The following FBXO31 variants were observed in gnomAD, a reference collection of about 807,000 sequenced individuals.
FBXO31 encodes the protein F-box protein 31, also known as F-box only protein 31.
In FBXO31, 24 loss-of-function variants were observed where a neutral mutation model predicts 54.4. The ratio of observed to expected loss-of-function variants is 0.44; its 90% confidence interval spans 0.32 to 0.62. The LOEUF (loss-of-function observed/expected upper bound fraction) is 0.62. FBXO31 is among the 20% of genes least tolerant of loss of function. The pLI, the probability that FBXO31 is intolerant of heterozygous loss-of-function variation, is 0.05. For synonymous variants in FBXO31, 388 were observed against 335.6 expected, an observed-to-expected ratio of 1.16 and a Z score of -1.71; for missense variants, 665 against 787.1, an observed-to-expected ratio of 0.84 and a Z score of 1.86.
chr16:87,343,325 A>G (rs1030400884), intron 4 of FBXO31, among the ~76,000 whole-genome samples: 2 of 152,268 alleles, frequency 1.3e-5, no homozygotes, highest in African/African-American at 4.8e-5. Context: ...ATATTCTTGC[A>G]AACAGGAAAA....
At chr16:87,351,788 GA>G in intron 2 of FBXO31, among the ~76,000 whole-genome samples, 1 of 152,288 alleles carries the variant, frequency 6.6e-6, no homozygotes, top group Admixed American at 6.5e-5. Context: ...AGAATCGCTT[GA>G]ACCCAGGAGG....
At chr16:87,370,669 A>ACTG (rs1191423996) in intron 1 of FBXO31, among the ~76,000 whole-genome samples, 4 of 152,190 alleles carry the variant, frequency 2.6e-5, no homozygotes, top group Admixed American at 6.5e-5. Flanking sequence ...AGAGGCAGCC[A>ACTG]CTGCGGCCCC....
At chr16:87,389,697 T>C (rs1567495254) in intron 1 of FBXO31, 1 of 152,140 alleles carries the variant, frequency 6.6e-6, no homozygotes, top group Non-Finnish European at 1.5e-5. Context: ...AACTGATACT[T>C]TGTTGTTTGG....
At chr16:87,360,212 C>T (rs1212748085) in intron 2 of FBXO31, 83 bp downstream of exon 2, 1 of 1,309,130 alleles carries the variant, frequency 7.6e-7, no homozygotes, top group Non-Finnish European at 1.1e-6. Flanking sequence ...TGGACTAAAT[C>T]ACTTTGATTA....
At chr16:87,390,666 T>C (rs1907502305), upstream of FBXO31, among the ~76,000 whole-genome samples, 1 of 152,112 alleles carries the variant, frequency 6.6e-6, no homozygotes, top group Non-Finnish European at 1.5e-5. Flanking sequence ...GGTCTCGAAC[T>C]CTTGACCTCG....
At chr16:87,342,761 A>C in intron 5 of FBXO31, 116 bp downstream of exon 5, 1 of 806,522 alleles carries the variant, frequency 1.2e-6, no homozygotes, top group Non-Finnish European at 1.9e-6. Flanking sequence ...ACCATGTGAA[A>C]CAGCCACCAT....
intron 1 of FBXO31, among the ~76,000 whole-genome samples, chr16:87,372,955 G>A (rs992374483): frequency 6.6e-6 from 1 of 150,782 alleles, no homozygotes. Context: ...GGCTGGTCTC[G>A]AAATACTGAC....
intron 3 of FBXO31, among the ~76,000 whole-genome samples, chr16:87,344,357 T>A (rs1199377404): frequency 6.6e-6 from 1 of 151,660 alleles, no homozygotes; most frequent in Non-Finnish European, 1.5e-5. Flanking sequence ...AGCCGAGGAG[T>A]GCGTTGCCCG....
chr16:87,390,254 C>T (rs1907478235), upstream of FBXO31, among the ~76,000 whole-genome samples: 1 of 152,026 alleles, frequency 6.6e-6, no homozygotes, highest in Admixed American at 6.5e-5. Context: ...GCACTCCAGC[C>T]TGGGCAACAG....
chr16:87,342,726 G>A lies in FBXO31; in HGVS notation c.732+151C>T, dbSNP rs528884553. The A allele has an allele frequency of 1.0e-3, 615 of 615,634 alleles. 3 individuals are homozygous for A. Among genetic ancestry groups the A allele is most frequent in the African/African-American group, 4.2e-3 (225 of 53,422 alleles). 38.1% of individuals were successfully genotyped at this position (615,634 alleles called of 1,614,324 possible). A position where few individuals can be genotyped will look rare whatever the true frequency, so the allele number is the denominator to read the frequency against. On this transcript the variant is annotated intron_variant, in intron 5 of 8. Transcript: ENST00000311635. Reference sequence around the variant, plus strand: ...TGTTCCTCGAGTGTGCCGGATGCACGGTCTGCACTGACAATACCGGCTGAA... The same window carrying A: ...TGTTCCTCGAGTGTGCCGGATGCACAGTCTGCACTGACAATACCGGCTGAA...
In FBXO31 at chr16:87,328,833, T is replaced by G. The variant is rs1282149054; in HGVS notation, c.*2455A>C. ...CAACTCCACCTGCCACCTTCCCCAA[T>G]CAAGCCTAATGCGCTTGGCTGTCCT... On this transcript the variant is annotated 3_prime_UTR_variant, in exon 9 of 9. Transcript: ENST00000311635. The G allele has an allele frequency of 6.6e-6, 1 of 152,238 alleles. No homozygotes were observed. Among genetic ancestry groups the G allele is most frequent in the East Asian group, 1.9e-4 (1 of 5,168 alleles). The allele number at this position is 152,238 out of a possible 1,614,324, so 9.4% of individuals were successfully genotyped here.
intron 3 of FBXO31, among the ~76,000 whole-genome samples, chr16:87,344,359 C>T (rs766828856): frequency 3.9e-5 from 6 of 152,238 alleles, no homozygotes; most frequent in Non-Finnish European, 8.8e-5. Flanking sequence ...CCGAGGAGTG[C>T]GTTGCCCGTG....
chr16:87,370,424 T>C (rs1906549401), intron 1 of FBXO31, among the ~76,000 whole-genome samples: 4 of 152,220 alleles, frequency 2.6e-5, no homozygotes, highest in Admixed American at 2.6e-4. Context: ...TAAGATGCCA[T>C]CTGGGGCAAC....
At chr16:87,337,057 G>A (rs768422877) in intron 5 of FBXO31, among the ~76,000 whole-genome samples, 3 of 152,168 alleles carry the variant, frequency 2.0e-5, no homozygotes, top group African/African-American at 4.8e-5. Flanking sequence ...TCCAAACTCC[G>A]ACAAGAAACA....
intron 2 of FBXO31, among the ~76,000 whole-genome samples, chr16:87,350,722 T>C (rs1597367399): frequency 6.7e-6 from 1 of 149,016 alleles, no homozygotes; most frequent in Admixed American, 6.7e-5. Context: ...ATACTGGGGT[T>C]AAAAAAAAAA....
intron 2 of FBXO31, among the ~76,000 whole-genome samples, chr16:87,349,040 C>A (rs1482805113): frequency 6.6e-6 from 1 of 152,224 alleles, no homozygotes; most frequent in African/African-American, 2.4e-5. Context: ...AACATTCATA[C>A]ATGGGGAGAA....
intron 1 of FBXO31, among the ~76,000 whole-genome samples, chr16:87,372,564 C>A (rs1006467023): frequency 1.3e-5 from 2 of 151,928 alleles, no homozygotes; most frequent in South Asian, 2.1e-4. Context: ...TGAAGCATTT[C>A]TTTTTGTTTT....
At chr16:87,353,267 T>C (rs1369110325) in intron 2 of FBXO31, among the ~76,000 whole-genome samples, 2 of 152,144 alleles carry the variant, frequency 1.3e-5, no homozygotes, top group African/African-American at 4.8e-5. Context: ...ACAAAGACCC[T>C]GTGATGACAC....
In FBXO31 at chr16:87,334,721, G is replaced by A. The variant is rs780618673; in HGVS notation, c.997-435C>T. Among the ~76,000 whole-genome samples, 9 of 152,352 alleles carry A rather than the reference G, an allele frequency of 5.9e-5. No individual in the cohort carries two copies. In the East Asian group the frequency reaches 9.6e-4, roughly 16 times the overall value. ...ATGTGGCCCTGATCCCTGGAGGCTC[G>A]GGGAATAGGCTTCGCCCCTTCAGGC... On this transcript the variant is annotated intron_variant, in intron 7 of 8. Transcript: ENST00000311635.
Sources: allele counts gnomAD v4.1 joint callset (sites outside exome capture counted in the v4.1 genomes callset), GRCh38; gene constraint gnomAD v4.1.1; transcripts MANE v1.5; gene names NCBI Gene and HGNC (gene_info 2026-07-23, HGNC 2026-07-21).